Variants in HK1 observed in about 807,000 individuals in gnomAD.
The protein encoded by HK1 is hexokinase 1.
Under a neutral mutation model 91.6 loss-of-function variants are expected in HK1, and 28 were observed. That is an observed-to-expected ratio of 0.31 (90% CI 0.23 to 0.42). The LOEUF (loss-of-function observed/expected upper bound fraction) is 0.42, where lower values mean the gene tolerates loss of function less well. Among genes scored for constraint, HK1 ranks in the 10% least tolerant of loss-of-function variants. The pLI, the probability that HK1 is intolerant of heterozygous loss-of-function variation, is 1.00. For synonymous variants in HK1, 430 were observed against 468.1 expected, an observed-to-expected ratio of 0.92 and a Z score of 1.05; for missense variants, 770 against 1,219.8, an observed-to-expected ratio of 0.63 and a Z score of 5.49.
exon 3 of HK1, chr10:69,288,755 C>A (rs1845143142): frequency 6.2e-7 from 1 of 1,613,770 alleles, no homozygotes; most frequent in Non-Finnish European, 8.5e-7. Context: ...TGGGGCAGAT[C>A]TGCCAGCGAG....
chr10:69,276,687 A>T (rs1048347430), intron 1 of HK1, among the ~76,000 whole-genome samples: 1 of 151,336 alleles, frequency 6.6e-6, no homozygotes, highest in Non-Finnish European at 1.5e-5. Context: ...TAATTTTAAG[A>T]TATTAATTTT....
intron 1 of HK1, among the ~76,000 whole-genome samples, chr10:69,282,261 A>G (rs750260810): frequency 4.6e-5 from 7 of 152,120 alleles, no homozygotes; most frequent in Non-Finnish European, 8.8e-5. Context: ...ACCATCTTCA[A>G]TATCACCGTC....
intron 3 of HK1, among the ~76,000 whole-genome samples, chr10:69,289,540 C>T (rs927160517): frequency 1.0e-4 from 14 of 138,156 alleles, no homozygotes; most frequent in Non-Finnish European, 1.5e-4. Context: ...GGCATGATCT[C>T]GGCTCACTGT....
chr10:69,375,520 A>T (rs990353885), intron 7 of HK1, among the ~76,000 whole-genome samples: 2 of 152,166 alleles, frequency 1.3e-5, no homozygotes, highest in Admixed American at 6.5e-5. Context: ...TGGTTCTGTC[A>T]GGAGCAGGAA....
At chr10:69,322,596 A>C (rs539261232) in intron 1 of HK1, among the ~76,000 whole-genome samples, 37 of 152,352 alleles carry the variant, frequency 2.4e-4, no homozygotes, top group African/African-American at 8.2e-4. Flanking sequence ...TTAAAAATAA[A>C]TAAATAAATA....
At chr10:69,315,957 G>A, upstream of HK1, 1 of 1,614,152 alleles carries the variant, frequency 6.2e-7, no homozygotes, top group Non-Finnish European at 8.5e-7. Flanking sequence ...ATATCCAGAT[G>A]GACTGTGAGC....
At chr10:69,288,714 G>A (rs370646907) in exon 3 of HK1, 2 of 1,611,882 alleles carry the variant, frequency 1.2e-6, no homozygotes, top group Non-Finnish European at 1.7e-6. Context: ...CAGAAGAAAG[G>A]ACCCGAGGTC....
chr10:69,318,125 C>T (rs1279914253), upstream of HK1: 4 of 985,326 alleles, frequency 4.1e-6, no homozygotes, highest in African/African-American at 5.2e-5. Flanking sequence ...GCTGGTGACT[C>T]GGGGGCGGGT....
chr10:69,371,615 C>T (rs1240806226), intron 7 of HK1, among the ~76,000 whole-genome samples: 1 of 152,194 alleles, frequency 6.6e-6, no homozygotes, highest in Non-Finnish European at 1.5e-5. Context: ...GCAGGTGGGG[C>T]ATGCCACTTG....
chr10:69,386,907 G>T (rs1344478255), intron 13 of HK1: 1 of 152,426 alleles, frequency 6.6e-6, no homozygotes, highest in Non-Finnish European at 1.5e-5. Context: ...GGGCTCATAG[G>T]TTTGTGTTGT....
At chr10:69,334,025 C>G (rs139877763) in intron 1 of HK1, among the ~76,000 whole-genome samples, 1,924 of 152,190 alleles carry the variant, frequency 0.013, 15 homozygotes, top group Non-Finnish European at 0.021. Context: ...GCAGGAGAAT[C>G]GCTTGAACCC....
chr10:69,352,349 A>G (rs1848920590), intron 2 of HK1, among the ~76,000 whole-genome samples: 1 of 152,208 alleles, frequency 6.6e-6, no homozygotes, highest in Non-Finnish European at 1.5e-5. Context: ...TAGGACTCCA[A>G]TGGGAGCCCA....
chr10:69,271,104 T>C (rs1228590064), intron 1 of HK1: 1 of 152,180 alleles, frequency 6.6e-6, no homozygotes, highest in Non-Finnish European at 1.5e-5. Flanking sequence ...TCTGTAAGAA[T>C]TCATAGGCTA....
At chr10:69,360,072 C>T (rs1190898462) in intron 3 of HK1, 27 bp downstream of exon 3, 2 of 1,611,222 alleles carry the variant, frequency 1.2e-6, no homozygotes, top group African/African-American at 1.3e-5. Flanking sequence ...TCCGGGTCAC[C>T]CCGTCGGGCC....
upstream of HK1, among the ~76,000 whole-genome samples, chr10:69,314,653 TTCTCTTCTC>T (rs947076879): frequency 1.3e-5 from 2 of 149,632 alleles, no homozygotes; most frequent in African/African-American, 5.1e-5. Context: ...TTCTTTTCTC[TTCTCTTCTC>T]TCTTTTCTTT....
chr10:69,383,307 A>C (rs995548347), intron 10 of HK1, among the ~76,000 whole-genome samples: 1 of 152,266 alleles, frequency 6.6e-6, no homozygotes, highest in Non-Finnish European at 1.5e-5. Context: ...ATCTTGATAG[A>C]GTATGCATGA....
intron 14 of HK1, 115 bp from the exon 15 acceptor site, chr10:69,392,010 C>A: frequency 1.1e-6 from 1 of 934,242 alleles, no homozygotes; most frequent in South Asian, 1.4e-5. Flanking sequence ...TTACTTTGTT[C>A]ATCACAAAAA....
chr10:69,274,446 A>C (rs1264622472), intron 1 of HK1, among the ~76,000 whole-genome samples: 1 of 152,060 alleles, frequency 6.6e-6, no homozygotes, highest in Non-Finnish European at 1.5e-5. Flanking sequence ...AAAAATACAA[A>C]AAGTAGCTGG....
At chr10:69,302,679 C>T (rs1425978187) in intron 5 of HK1, among the ~76,000 whole-genome samples, 1 of 150,536 alleles carries the variant, frequency 6.6e-6, no homozygotes, top group Non-Finnish European at 1.5e-5. Flanking sequence ...CACTTGGGCC[C>T]TGGAAGGTCA....
Sources: allele counts gnomAD v4.1 joint callset (sites outside exome capture counted in the v4.1 genomes callset), GRCh38; gene constraint gnomAD v4.1.1; transcripts MANE v1.5; gene names NCBI Gene and HGNC (gene_info 2026-07-23, HGNC 2026-07-21).